SPAG16: variants seen among roughly 807,000 people sequenced by gnomAD.
SPAG16 encodes sperm associated antigen 16.
A neutral mutation model predicts 80.4 loss-of-function variants in SPAG16; 86 were observed. The observed-to-expected ratio is 1.07, with a 90% CI of 0.90 to 1.28. The LOEUF is 1.28. SPAG16 is among the 50% of genes most tolerant of loss of function. The pLI is 0.00. For synonymous variants in SPAG16, 294 were observed against 265.9 expected, an observed-to-expected ratio of 1.11 and a Z score of -1.03; for missense variants, 870 against 765.3, an observed-to-expected ratio of 1.14 and a Z score of -1.61.
intron 10 of SPAG16, among the ~76,000 whole-genome samples, chr2:213,573,905 T>C (rs1233274145): frequency 2.0e-5 from 3 of 152,206 alleles, no homozygotes; most frequent in African/African-American, 7.2e-5. Context: ...AATCAGACTT[T>C]AATGTGCATA....
chr2:213,894,590 C>A (rs111444434), intron 11 of SPAG16, among the ~76,000 whole-genome samples: 2 of 152,028 alleles, frequency 1.3e-5, no homozygotes, highest in African/African-American at 2.4e-5. Flanking sequence ...TACTGGAAAC[C>A]CTGGCCAGAG....
intron 14 of SPAG16, among the ~76,000 whole-genome samples, chr2:214,113,129 G>A (rs13016366): frequency 0.093 from 14,035 of 150,838 alleles, 847 homozygotes; most frequent in East Asian, 0.29. Context: ...ATTCTTAAAG[G>A]ATGTTGAATA....
intron 2 of SPAG16, chr2:213,297,015 A>G: frequency 6.3e-6 from 8 of 1,262,454 alleles, no homozygotes; most frequent in Non-Finnish European, 8.2e-6. Flanking sequence ...TACATTTTCT[A>G]TTATAGATAA....
chr2:214,324,994 A>G (rs1229854067), intron 15 of SPAG16, among the ~76,000 whole-genome samples: 1 of 152,248 alleles, frequency 6.6e-6, no homozygotes, highest in African/African-American at 2.4e-5. Context: ...ACATTTTAAT[A>G]CCAAAAATAG....
intron 10 of SPAG16, among the ~76,000 whole-genome samples, chr2:213,641,254 AG>A (rs886190069): frequency 1.3e-5 from 2 of 152,202 alleles, no homozygotes; most frequent in African/African-American, 4.8e-5. Context: ...CCCAGCTCCC[AG>A]GAAGCCAGCA....
chr2:213,387,429 C>T (rs1182838447), intron 9 of SPAG16, among the ~76,000 whole-genome samples: 6 of 71,754 alleles, frequency 8.4e-5, no homozygotes, highest in Admixed American at 2.2e-4. Context: ...GAAATGCATG[C>T]TCTTTTTTTT....
intron 1 of SPAG16, among the ~76,000 whole-genome samples, chr2:213,295,138 T>C (rs1367431763): frequency 1.3e-5 from 2 of 152,152 alleles, no homozygotes; most frequent in East Asian, 3.8e-4. Context: ...GCTAATCTTA[T>C]CTTTGATTTT....
At chr2:213,438,115 A>G (rs1397447122) in intron 9 of SPAG16, among the ~76,000 whole-genome samples, 1 of 152,024 alleles carries the variant, frequency 6.6e-6, no homozygotes, top group South Asian at 2.1e-4. Context: ...CTTTCAATCT[A>G]CCTTAACGTT....
intron 10 of SPAG16, among the ~76,000 whole-genome samples, chr2:213,643,944 C>A (rs2062723252): frequency 6.6e-6 from 1 of 151,196 alleles, no homozygotes; most frequent in African/African-American, 2.4e-5. Context: ...CCATGCCTGG[C>A]TAATTTTTGT....
chr2:213,968,333 CCCACACCTGCCA>C (rs933444782), intron 12 of SPAG16, among the ~76,000 whole-genome samples: 46 of 152,138 alleles, frequency 3.0e-4, no homozygotes, highest in Admixed American at 5.2e-4. Flanking sequence ...TGCCACCACA[CCCACACCTGCCA>C]CCACACCTGC....
At chr2:213,409,791 G>A (rs1238049173) in intron 9 of SPAG16, among the ~76,000 whole-genome samples, 2 of 152,176 alleles carry the variant, frequency 1.3e-5, no homozygotes, top group Admixed American at 6.5e-5. Context: ...AAAAATAGGT[G>A]CTAAAGGAAA....
At chr2:213,296,011 T>A in intron 1 of SPAG16, 53 bp from the exon 2 acceptor site, 2 of 1,478,496 alleles carry the variant, frequency 1.4e-6, no homozygotes, top group Admixed American at 3.4e-5. Context: ...TCAATTTTTG[T>A]GCAATAATTT....
chr2:213,588,327 T>C (rs1470037610), intron 10 of SPAG16, among the ~76,000 whole-genome samples: 1 of 152,176 alleles, frequency 6.6e-6, no homozygotes, highest in Admixed American at 6.5e-5. Context: ...CATATTCTTA[T>C]ATTAACAGGA....
chr2:214,290,752 A>G (rs529479278), intron 15 of SPAG16, among the ~76,000 whole-genome samples: 1 of 152,206 alleles, frequency 6.6e-6, no homozygotes, highest in Non-Finnish European at 1.5e-5. Flanking sequence ...GCTTAGTGTG[A>G]TTTCTATTTT....
chr2:214,006,694 T>G (rs76745377), intron 12 of SPAG16, among the ~76,000 whole-genome samples: 3,873 of 152,316 alleles, frequency 0.025, 162 homozygotes, highest in African/African-American at 0.089. Context: ...CTCCATCACT[T>G]TAGTCCATTT....
intron 15 of SPAG16, among the ~76,000 whole-genome samples, chr2:214,149,522 G>T (rs371143985): frequency 6.6e-6 from 1 of 151,996 alleles, no homozygotes; most frequent in East Asian, 1.9e-4. Context: ...AGGTTTGTTA[G>T]CAGTGCCATG....
At chr2:213,997,689 A>G (rs2124846005) in intron 12 of SPAG16, among the ~76,000 whole-genome samples, 1 of 152,356 alleles carries the variant, frequency 6.6e-6, no homozygotes, top group South Asian at 2.1e-4. Flanking sequence ...CATTGAAAGA[A>G]GAAGAATTGT....
chr2:214,290,048 G>A (rs1693677894), intron 15 of SPAG16, among the ~76,000 whole-genome samples: 1 of 151,944 alleles, frequency 6.6e-6, no homozygotes, highest in Non-Finnish European at 1.5e-5. Flanking sequence ...TCTGGTCCTG[G>A]GATTTTCTTT....
At chr2:213,579,624 C>T (rs2060237317) in intron 10 of SPAG16, among the ~76,000 whole-genome samples, 1 of 152,050 alleles carries the variant, frequency 6.6e-6, no homozygotes, top group East Asian at 1.9e-4. Context: ...GAGTAATTCT[C>T]ATTTGTGTTT....
Sources: allele counts gnomAD v4.1 joint callset (sites outside exome capture counted in the v4.1 genomes callset), GRCh38; gene constraint gnomAD v4.1.1; transcripts MANE v1.5; gene names NCBI Gene and HGNC (gene_info 2026-07-23, HGNC 2026-07-21).